The following ARRDC5 variants were observed in gnomAD, a reference collection of about 807,000 sequenced individuals.
The protein encoded by ARRDC5 is arrestin domain containing 5, also known as arrestin domain-containing protein 5.
ARRDC5 carries 12 observed loss-of-function variants against 13.3 expected under a neutral mutation model. The ratio of observed to expected loss-of-function variants is 0.90; its 90% CI spans 0.58 to 1.46. ARRDC5 has a LOEUF of 1.46. Ranked by LOEUF, ARRDC5 falls within the 40% of genes most tolerant of loss-of-function variation. The pLI is 0.00. For synonymous variants in ARRDC5, 181 were observed against 173.4 expected, an observed-to-expected ratio of 1.04 and a Z score of -0.34; for missense variants, 406 against 418.7, an observed-to-expected ratio of 0.97 and a Z score of 0.26.
the ARRDC5 span, among the ~76,000 whole-genome samples, chr19:4,913,386 T>C: frequency 6.6e-6 from 1 of 151,600 alleles, no homozygotes; most frequent in Non-Finnish European, 1.5e-5. Flanking sequence ...CCCAAGTAGC[T>C]GGGATTACAG....
chr19:4,903,030 T>TTTTTCACTGGTTCTTC, upstream of ARRDC5: 1 of 233,542 alleles, frequency 4.3e-6, no homozygotes, highest in Non-Finnish European at 6.7e-6. Context: ...TCACTGGTTC[T>TTTTTCACTGGTTCTTC]TTTTTTTTTT....
At chr19:4,892,004 C>T (rs553701114) in intron 2 of ARRDC5, among the ~76,000 whole-genome samples, 35 of 151,254 alleles carry the variant, frequency 2.3e-4, no homozygotes, top group African/African-American at 8.5e-4. Flanking sequence ...TAGGAAGAGG[C>T]ATTAAGATGG....
At position 4,902,793 on chromosome 19, in the gene ARRDC5, C is replaced by G; in HGVS notation, c.33G>C (p.Leu11=). 1 of 1,613,960 alleles carries G rather than the reference C, an allele frequency of 6.2e-7. No individual in the cohort carries two copies. The highest frequency in any genetic ancestry group is 1.1e-5 in the South Asian group (1 of 91,080). Residue 11 remains leucine, a synonymous_variant, in exon 1 of 3, where the codon CTG becomes CTC. Transcript: ENST00000650722. The part of the protein sequence containing the change: MSVVKSIELV[L]PEDRIYLAGS... Reference sequence around the variant, plus strand: ...CAGCCAGGTAGATTCTATCCTCGGGCAGCACTAATTCGATCGACTTCACCA... The same window carrying G: ...CAGCCAGGTAGATTCTATCCTCGGGGAGCACTAATTCGATCGACTTCACCA...
chr19:4,902,869 T>A lies in ARRDC5; in HGVS notation c.-44A>T. Reference sequence around the variant, plus strand: ...GAGACATTCCTCTCTGTCCCCCATGTCCCTGAAATTCCCGGTTCGTTGGCC... The same window carrying A: ...GAGACATTCCTCTCTGTCCCCCATGACCCTGAAATTCCCGGTTCGTTGGCC... On this transcript the variant is annotated 5_prime_UTR_variant, in exon 1 of 3. Coordinates refer to ENST00000650722, the MANE Select transcript of ARRDC5 (RefSeq NM_001080523.3). The A allele has an allele frequency of 1.2e-6, 2 of 1,612,400 alleles. No individual in the cohort carries two copies. Among genetic ancestry groups the A allele is most frequent in the South Asian group, 2.2e-5 (2 of 91,012 alleles).
At chr19:4,895,558 C>T (rs941279145) in intron 2 of ARRDC5, among the ~76,000 whole-genome samples, 1 of 152,098 alleles carries the variant, frequency 6.6e-6, no homozygotes, top group African/African-American at 2.4e-5. Context: ...TGGCCAACGT[C>T]CCTCCTCCCA....
In ARRDC5 at chr19:4,895,581, C is replaced by T. The variant is rs535157127; in HGVS notation, c.459+1090G>A. Among the ~76,000 whole-genome samples the T allele has an allele frequency of 6.6e-5, 10 of 152,244 alleles. No individual in the cohort carries two copies. In the South Asian group the frequency reaches 1.5e-3, roughly 22 times the overall value. The stretch of plus-strand genomic sequence containing the variant: ...GTCCCTCCTCCCACCTCGACTTCCG[C>T]CTCTGCACCTGGACTCGGGAAGGGA... On this transcript the variant is annotated intron_variant, in intron 2 of 2. Transcript: ENST00000650722.
chr19:4,902,709 T>C lies in ARRDC5; in HGVS notation c.117A>G (p.Ile39Met). The stretch of plus-strand genomic sequence containing the variant: ...CCCTTCCCACGAGCTCCACCTTCAC[T>C]ATGGGGTCCACCAGGGTGCTGTTCA... ...LTLNSTLVDP[I>M]VKVELVGRGY... Residue 39 changes from isoleucine to methionine, a missense_variant, in exon 1 of 3, where the codon ATA becomes ATG. Coordinates refer to ENST00000650722, the MANE Select transcript of ARRDC5 (RefSeq NM_001080523.3). 1 of 1,614,030 alleles carries C rather than the reference T, an allele frequency of 6.2e-7. No homozygotes were observed. Among genetic ancestry groups the C allele is most frequent in the Non-Finnish European group, 8.5e-7 (1 of 1,179,908 alleles).
the ARRDC5 span, chr19:4,911,096 GCCACCAGCCGAT>G: frequency 7.1e-7 from 1 of 1,415,674 alleles, no homozygotes. Context: ...CGCCTCTGCA[GCCACCAGCCGAT>G]ACTTTCTCCC....
the ARRDC5 span, among the ~76,000 whole-genome samples, chr19:4,911,770 G>T: frequency 9.6e-4 from 146 of 152,320 alleles, 2 homozygotes; most frequent in Non-Finnish European, 1.0e-4. Flanking sequence ...TTTTGTGGGG[G>T]ACTGTGGGAC....
chr19:4,902,540 A>T, intron 1 of ARRDC5, 33 bp downstream of exon 1: 1 of 1,604,824 alleles, frequency 6.2e-7, no homozygotes, highest in Non-Finnish European at 8.5e-7. Flanking sequence ...GGTTCCTGTC[A>T]TGGCTAGGGG....
At chr19:4,896,630 C>G in intron 2 of ARRDC5, 41 bp downstream of exon 2, 1 of 1,470,168 alleles carries the variant, frequency 6.8e-7, no homozygotes. Flanking sequence ...CTCCTTGGAG[C>G]TTGGAGATTG....
At chr19:4,913,533 G>T in the ARRDC5 span, among the ~76,000 whole-genome samples, 2 of 152,060 alleles carry the variant, frequency 1.3e-5, no homozygotes, top group Non-Finnish European at 1.5e-5. Flanking sequence ...GGGATTACAG[G>T]TGTGAACCAC....
In ARRDC5 at chr19:4,890,959, G is replaced by A. The variant is rs2031479093; in HGVS notation, c.*87C>T. ...GCAGACAACCTGTTGCCCACTCCTCGACTCCTCTGAGAGTCACCTGTGCAA... is the reference window on the plus strand; with the variant it reads ...GCAGACAACCTGTTGCCCACTCCTCAACTCCTCTGAGAGTCACCTGTGCAA... On this transcript the variant is annotated 3_prime_UTR_variant, in exon 3 of 3. Transcript: ENST00000650722. 1.3e-5 allele frequency: 15 copies of A among 1,188,704 alleles called. No homozygotes were observed. Among genetic ancestry groups the A allele is most frequent in the African/African-American group, 3.1e-5 (2 of 64,772 alleles). 73.6% of individuals were successfully genotyped at this position (1,188,704 alleles called of 1,614,324 possible).
In ARRDC5 at chr19:4,902,660, CT is replaced by C. The variant is rs1459517332; in HGVS notation, c.165del (p.Ala56ProfsTer33). 6.2e-7 allele frequency: 1 copy of C among 1,614,014 alleles called. No homozygotes were observed. The highest frequency in any genetic ancestry group is 1.7e-5 in the Admixed American group (1 of 60,012). On this transcript the variant is annotated frameshift_variant, in exon 1 of 3. Coordinates refer to ENST00000650722, the MANE Select transcript of ARRDC5 (RefSeq NM_001080523.3). LOFTEE classifies it high-confidence loss of function. ...VGRGYVEWSE[E>X]AGASCDYSRN... is the part of the protein sequence containing the mutation. Reference sequence around the variant, plus strand: ...CTGCTATAATCACAGGATGCCCCGGCTTCTTCACTCCATTCGACGTAACCCC... The same window carrying C: ...CTGCTATAATCACAGGATGCCCCGGCTCTTCACTCCATTCGACGTAACCCC...
the ARRDC5 span, among the ~76,000 whole-genome samples, chr19:4,915,416 T>G: frequency 6.6e-6 from 1 of 152,130 alleles, no homozygotes; most frequent in African/African-American, 2.4e-5. Flanking sequence ...AAAACTTGAT[T>G]TATAAAAACA....
At chr19:4,896,174 GCA>G (rs2031701706) in intron 2 of ARRDC5, among the ~76,000 whole-genome samples, 1 of 151,700 alleles carries the variant, frequency 6.6e-6, no homozygotes, top group African/African-American at 2.4e-5. Context: ...AATTAGCTGG[GCA>G]TGGTGGTGCA....
At chr19:4,912,930 T>C in the ARRDC5 span, among the ~76,000 whole-genome samples, 8 of 152,040 alleles carry the variant, frequency 5.3e-5, no homozygotes, top group Admixed American at 6.6e-5. Flanking sequence ...TGGCTAGTTT[T>C]TGTATCTTTT....
intron 2 of ARRDC5, among the ~76,000 whole-genome samples, chr19:4,893,875 T>C (rs1440931061): frequency 8.9e-6 from 1 of 112,786 alleles, no homozygotes; most frequent in Non-Finnish European, 1.8e-5. Flanking sequence ...ACCCCATCTC[T>C]ACTAAAAATA....
At chr19:4,905,759 C>T (rs750298903), upstream of ARRDC5, among the ~76,000 whole-genome samples, 51 of 152,040 alleles carry the variant, frequency 3.4e-4, no homozygotes, top group Non-Finnish European at 6.6e-4. Context: ...CTCAGTGATC[C>T]GCCTGCCTTG....
Sources: gnomAD v4.1 joint callset for allele counts (sites outside exome capture counted in the v4.1 genomes callset) on GRCh38, gnomAD v4.1.1 for gene constraint, MANE v1.5 for transcripts, NCBI Gene and HGNC (gene_info 2026-07-23, HGNC 2026-07-21) for gene names.